The following PPP2R2B variants were observed in gnomAD, a reference collection of about 807,000 sequenced individuals.
PPP2R2B encodes the protein protein phosphatase 2 regulatory subunit Bbeta.
PPP2R2B carries 5 observed loss-of-function variants against 46.0 expected under a neutral mutation model. The ratio of observed to expected loss-of-function variants is 0.11; its 90% CI spans 0.06 to 0.23. The LOEUF (loss-of-function observed/expected upper bound fraction) is 0.23, where lower values mean the gene tolerates loss of function less well. Among genes scored for constraint, PPP2R2B ranks in the 10% least tolerant of loss-of-function variants. The probability of loss-of-function intolerance (pLI) is 1.00; values close to 1 mark genes in which losing one functional copy is unlikely to be tolerated. For synonymous variants in PPP2R2B, 215 were observed against 206.7 expected, an observed-to-expected ratio of 1.04 and a Z score of -0.34; for missense variants, 367 against 575.0, an observed-to-expected ratio of 0.64 and a Z score of 3.70.
At chr5:147,058,507 A>AAAG (rs1005400953), upstream of PPP2R2B, among the ~76,000 whole-genome samples, 2 of 152,224 alleles carry the variant, frequency 1.3e-5, no homozygotes, top group African/African-American at 4.8e-5. Flanking sequence ...CAGAACAAAC[A>AAAG]AAATGTGTCT....
At chr5:146,644,846 G>A (rs2151087127) in intron 6 of PPP2R2B, among the ~76,000 whole-genome samples, 1 of 152,324 alleles carries the variant, frequency 6.6e-6, no homozygotes, top group South Asian at 2.1e-4. Flanking sequence ...ATTTCTCCAA[G>A]GATAGGGTTT....
At chr5:146,650,342 C>A (rs1427640881) in intron 6 of PPP2R2B, among the ~76,000 whole-genome samples, 1 of 152,112 alleles carries the variant, frequency 6.6e-6, no homozygotes, top group Non-Finnish European at 1.5e-5. Context: ...CAGAGCTAGC[C>A]CTGGCCTCCC....
chr5:146,948,934 T>C (rs1764570972), intron 1 of PPP2R2B, among the ~76,000 whole-genome samples: 1 of 152,094 alleles, frequency 6.6e-6, no homozygotes, highest in Non-Finnish European at 1.5e-5. Context: ...AGGACTTTGC[T>C]AAAAATCACA....
intron 2 of PPP2R2B, among the ~76,000 whole-genome samples, chr5:146,818,057 C>A (rs1444604731): frequency 6.6e-6 from 1 of 152,206 alleles, no homozygotes; most frequent in Non-Finnish European, 1.5e-5. Flanking sequence ...TTCTTCAGGG[C>A]AGCCTTCCCT....
At chr5:146,894,588 C>A (rs1042697812) in intron 1 of PPP2R2B, among the ~76,000 whole-genome samples, 1 of 152,154 alleles carries the variant, frequency 6.6e-6, no homozygotes, top group African/African-American at 2.4e-5. Flanking sequence ...CACAGGCGTG[C>A]GCCACCACAC....
intron 1 of PPP2R2B, among the ~76,000 whole-genome samples, chr5:146,960,695 C>T (rs1368133707): frequency 6.6e-6 from 1 of 152,108 alleles, no homozygotes; most frequent in Non-Finnish European, 1.5e-5. Flanking sequence ...AGATTCTGAG[C>T]TCTGGTTAAT....
chr5:146,687,031 G>C (rs1014501794), intron 5 of PPP2R2B, among the ~76,000 whole-genome samples: 1 of 151,390 alleles, frequency 6.6e-6, no homozygotes, highest in Non-Finnish European at 1.5e-5. Flanking sequence ...GTGTATGTGT[G>C]TGTGTGTGTG....
intron 4 of PPP2R2B, among the ~76,000 whole-genome samples, chr5:146,692,629 G>A (rs1031504162): frequency 6.6e-6 from 1 of 150,786 alleles, no homozygotes; most frequent in African/African-American, 2.4e-5. Flanking sequence ...TGCCTCCTGG[G>A]TTCATGACAT....
Position 146,582,679 on chromosome 5 carries a change from C to T in PPP2R2B, c.*7268G>A, listed in dbSNP as rs1769955627. On this transcript the variant is annotated 3_prime_UTR_variant, in exon 10 of 10. Coordinates refer to ENST00000394411, the MANE Select transcript of PPP2R2B (RefSeq NM_181675.4). ...TTCCTTACACGTTTATTTGTTCATT[C>T]ATTCAACAAAACTTTTGAGCACCTA... is the stretch of plus-strand genomic sequence containing the variant. The T allele has an allele frequency of 6.6e-6, 1 of 152,214 alleles. No individual in the cohort carries two copies. The highest frequency in any genetic ancestry group is 1.9e-4 in the East Asian group (1 of 5,190). 9.4% of individuals were successfully genotyped at this position (152,214 alleles called of 1,614,324 possible).
chr5:146,590,273 C>CT, intron 9 of PPP2R2B, 47 bp from the exon 10 acceptor site: 1 of 1,477,478 alleles, frequency 6.8e-7, no homozygotes, highest in East Asian at 2.3e-5. Context: ...ACTGTCTTTT[C>CT]TTTTTGGAGC....
chr5:146,718,765 AG>A (rs1407814295), intron 2 of PPP2R2B, among the ~76,000 whole-genome samples: 1 of 152,230 alleles, frequency 6.6e-6, no homozygotes, highest in African/African-American at 2.4e-5. Flanking sequence ...AGTCTGACCC[AG>A]TGAACTATTT....
chr5:147,054,174 C>T (rs72827261), intron 1 of PPP2R2B, among the ~76,000 whole-genome samples: 25,838 of 152,120 alleles, frequency 0.17, 2,585 homozygotes, highest in South Asian at 0.3. Context: ...TAGAATGTTT[C>T]GTTTAATTAA....
chr5:146,912,678 T>G (rs1182481662), intron 1 of PPP2R2B, among the ~76,000 whole-genome samples: 1 of 151,886 alleles, frequency 6.6e-6, no homozygotes, highest in Non-Finnish European at 1.5e-5. Flanking sequence ...CTAATTTTTT[T>G]TTGTATTTTT....
chr5:146,625,050 C>T (rs1390797507), intron 7 of PPP2R2B, among the ~76,000 whole-genome samples: 1 of 152,178 alleles, frequency 6.6e-6, no homozygotes, highest in Non-Finnish European at 1.5e-5. Flanking sequence ...TGGAACAGTG[C>T]CTGGGACATG....
At chr5:146,591,560 G>A (rs1770658576) in intron 9 of PPP2R2B, among the ~76,000 whole-genome samples, 1 of 151,298 alleles carries the variant, frequency 6.6e-6, no homozygotes, top group South Asian at 2.1e-4. Flanking sequence ...CCCACATATG[G>A]TTGACTCTGG....
At chr5:146,733,008 G>A (rs556897297) in intron 2 of PPP2R2B, among the ~76,000 whole-genome samples, 14 of 152,178 alleles carry the variant, frequency 9.2e-5, no homozygotes, top group African/African-American at 2.4e-4. Flanking sequence ...ACACACTCAC[G>A]GCAAAAATTA....
At chr5:146,725,721 T>C (rs1351752655) in intron 2 of PPP2R2B, among the ~76,000 whole-genome samples, 1 of 152,224 alleles carries the variant, frequency 6.6e-6, no homozygotes, top group Non-Finnish European at 1.5e-5. Flanking sequence ...ACTGGCCTTC[T>C]TTCACTTGTT....
intron 2 of PPP2R2B, among the ~76,000 whole-genome samples, chr5:146,733,699 C>A (rs954672462): frequency 6.6e-6 from 1 of 150,670 alleles, no homozygotes; most frequent in Non-Finnish European, 1.5e-5. Flanking sequence ...GAAAACAAAA[C>A]CACACACAGA....
intron 1 of PPP2R2B, among the ~76,000 whole-genome samples, chr5:146,927,805 C>T (rs1190452345): frequency 6.7e-6 from 1 of 149,970 alleles, no homozygotes; most frequent in Non-Finnish European, 1.5e-5. Context: ...GTGATCTCGG[C>T]TGACTGCAAC....
Sources: gnomAD v4.1 joint callset for allele counts (sites outside exome capture counted in the v4.1 genomes callset) on GRCh38, gnomAD v4.1.1 for gene constraint, MANE v1.5 for transcripts, NCBI Gene and HGNC (gene_info 2026-07-23, HGNC 2026-07-21) for gene names.